KRT7: variants seen among roughly 807,000 people sequenced by gnomAD.
KRT7 encodes keratin, type II cytoskeletal 7.
In KRT7, 50 loss-of-function variants were observed where a neutral mutation model predicts 42.8. That is an observed-to-expected ratio of 1.17 (90% CI 0.93 to 1.48). The LOEUF (loss-of-function observed/expected upper bound fraction) is 1.48. Among genes scored for constraint, KRT7 ranks in the 40% most tolerant of loss-of-function variants. The pLI is 0.00. For synonymous variants in KRT7, 268 were observed against 266.3 expected, an observed-to-expected ratio of 1.01 and a Z score of -0.06; for missense variants, 588 against 637.6, an observed-to-expected ratio of 0.92 and a Z score of 0.84.
intron 5 of KRT7, chr12:52,241,930 C>T (rs769927366): frequency 4.9e-6 from 1 of 205,410 alleles, no homozygotes; most frequent in Non-Finnish European, 9.7e-6. Flanking sequence ...ATTAGATAGG[C>T]ATCATTATTA....
At position 52,245,724 on chromosome 12, in the gene KRT7, C is replaced by A. The variant is rs894386918; in HGVS notation, c.1205+92C>A. 8.6e-6 allele frequency: 13 copies of A among 1,505,928 alleles called. No individual in the cohort carries two copies. The African/African-American group carries it at 1.4e-4, about 16-fold the overall frequency. The allele number at this position is 1,505,928 out of a possible 1,614,324, so 93.3% of individuals were successfully genotyped here. On this transcript the variant is annotated intron_variant, in intron 7 of 8. Coordinates refer to ENST00000331817, the MANE Select transcript of KRT7 (RefSeq NM_005556.4). ...TCCATTTACAAGCATTTCCTGTATG[C>A]CCCTCCTCTGCAGGGCACTGGGTGT...
chr12:52,252,259 C>T (rs764769469), downstream of KRT7: 8 of 1,613,042 alleles, frequency 5.0e-6, no homozygotes, highest in Non-Finnish European at 6.8e-6. Context: ...CTGTGGTCCT[C>T]ACCTCTGCTC....
chr12:52,238,197 T>C (rs1451601133), intron 3 of KRT7, among the ~76,000 whole-genome samples: 1 of 152,152 alleles, frequency 6.6e-6, no homozygotes, highest in African/African-American at 2.4e-5. Flanking sequence ...TCAGACACCA[T>C]CTTCACCTGG....
intron 5 of KRT7, 179 bp downstream of exon 5, chr12:52,241,815 G>A (rs910902800): frequency 1.8e-6 from 1 of 546,882 alleles, no homozygotes; most frequent in African/African-American, 1.9e-5. Flanking sequence ...ACAGGGCAGA[G>A]GAAATAGATA....
At chr12:52,253,936 G>A (rs1942302782), downstream of KRT7, among the ~76,000 whole-genome samples, 1 of 152,066 alleles carries the variant, frequency 6.6e-6, no homozygotes, top group African/African-American at 2.4e-5. Flanking sequence ...GACTCCTCAA[G>A]CCCAGAGTCC....
intron 1 of KRT7, among the ~76,000 whole-genome samples, chr12:52,234,054 A>T (rs891921505): frequency 1.5e-5 from 2 of 136,710 alleles, no homozygotes; most frequent in Non-Finnish European, 3.1e-5. Flanking sequence ...CCAGAGGGGG[A>T]GACCCAGGCT....
intron 5 of KRT7, 56 bp from the exon 6 acceptor site, chr12:52,242,956 G>C (rs1942115477): frequency 1.3e-6 from 2 of 1,538,880 alleles, no homozygotes; most frequent in Non-Finnish European, 1.8e-6. Context: ...AGAGGGATGA[G>C]TTACCTGTAC....
chr12:52,244,598 A>G, intron 6 of KRT7: 2 of 986,014 alleles, frequency 2.0e-6, no homozygotes, highest in Non-Finnish European at 2.4e-6. Context: ...GGATCTGAGG[A>G]TAGAGAATGG....
At chr12:52,233,804 A>G (rs1222526958) in intron 1 of KRT7, among the ~76,000 whole-genome samples, 184 bp downstream of exon 1, 1 of 151,786 alleles carries the variant, frequency 6.6e-6, no homozygotes, top group Non-Finnish European at 1.5e-5. Flanking sequence ...TGGCTATTTT[A>G]TCCCCTCGGT....
rs1453743552 is a variant in KRT7, at chr12:52,237,502, A to T, written c.537-7A>T. 3 of 1,608,390 alleles carry T rather than the reference A, an allele frequency of 1.9e-6. No homozygotes were observed. In the South Asian group the frequency reaches 3.3e-5, roughly 18 times the overall value. On this transcript the variant is annotated splice_polypyrimidine_tract_variant and splice_region_variant and intron_variant, in intron 2 of 8. Transcript: ENST00000331817. ...CTGCATCAACACCAGGCCCTCCTCTACTGTAGGTACGAAGATGAAATTAAC... is the reference window on the plus strand; with the variant it reads ...CTGCATCAACACCAGGCCCTCCTCTTCTGTAGGTACGAAGATGAAATTAAC...
chr12:52,250,569 CT>C, downstream of KRT7: 1 of 1,256,774 alleles, frequency 8.0e-7, no homozygotes. Context: ...ACTGCAGACG[CT>C]GCCCGTCACC....
chr12:52,240,355 C>T (rs542340308), intron 4 of KRT7, among the ~76,000 whole-genome samples: 1 of 152,096 alleles, frequency 6.6e-6, no homozygotes, highest in Non-Finnish European at 1.5e-5. Flanking sequence ...CTTGGCCAGG[C>T]GTGGTGGCTC....
At chr12:52,253,690 T>C (rs1942299841), downstream of KRT7, 17 of 1,435,732 alleles carry the variant, frequency 1.2e-5, no homozygotes, top group Non-Finnish European at 1.4e-5. Context: ...ACACAGTGCA[T>C]GTTCAGGTCC....
rs575023184 is a variant in KRT7, at chr12:52,248,028, C to G, written c.1206-149C>G. The G allele has an allele frequency of 5.3e-6, 4 of 748,514 alleles. No individual in the cohort carries two copies. The East Asian group carries it at 1.1e-4, about 20-fold the overall frequency. The allele number at this position is 748,514 out of a possible 1,614,324, so 46.4% of individuals were successfully genotyped here. On this transcript the variant is annotated intron_variant, in intron 7 of 8. Transcript: ENST00000331817. ...CTCCCTTCCTGCATGCCTCCTCGCT[C>G]CTTTTACAAGGCTGAAGGCAGGCTG...
At chr12:52,237,678 T>A in intron 3 of KRT7, 109 bp downstream of exon 3, 1 of 823,270 alleles carries the variant, frequency 1.2e-6, no homozygotes, top group Non-Finnish European at 2.0e-6. Flanking sequence ...AAGGCCTGCC[T>A]GAGCTGTCCA....
At chr12:52,255,462 T>A (rs1942322952), downstream of KRT7, 5 of 456,424 alleles carry the variant, frequency 1.1e-5, no homozygotes, top group Non-Finnish European at 2.2e-5. Context: ...AAAATGGGAA[T>A]GAAGGCACAG....
Position 52,241,507 on chromosome 12 carries a change from A to T in KRT7, c.729A>T (p.Thr243=). ...AGCTGCAGTCCCAGATCTCCGACAC[A>T]TCTGTGGTGCTGTCCATGGACAACA... is the stretch of plus-strand genomic sequence containing the variant. ...LTELQSQISD[T]SVVLSMDNSR... The change falls in exon 5 of 9, where the codon ACA becomes ACT. Residue 243 remains threonine, a synonymous_variant. Transcript: ENST00000331817. The T allele has an allele frequency of 6.2e-7, 1 of 1,613,750 alleles. No homozygotes were observed. The highest frequency in any genetic ancestry group is 8.5e-7 in the Non-Finnish European group (1 of 1,179,806).
chr12:52,236,603 A>G (rs1942015880), intron 2 of KRT7, among the ~76,000 whole-genome samples: 1 of 152,184 alleles, frequency 6.6e-6, no homozygotes, highest in Admixed American at 6.5e-5. Context: ...AACTTGAGGG[A>G]GTGCAACTTT....
chr12:52,237,386 T>G (rs1201576862), intron 2 of KRT7, 123 bp from the exon 3 acceptor site: 4 of 640,172 alleles, frequency 6.2e-6, no homozygotes, highest in Admixed American at 5.8e-5. Flanking sequence ...ACCTGTTTTT[T>G]CAGGTGTGTC....
Sources: gnomAD v4.1 joint callset for allele counts (sites outside exome capture counted in the v4.1 genomes callset) on GRCh38, gnomAD v4.1.1 for gene constraint, MANE v1.5 for transcripts, NCBI Gene and HGNC (gene_info 2026-07-23, HGNC 2026-07-21) for gene names.